CLYBL: variants seen among roughly 807,000 people sequenced by gnomAD.
CLYBL encodes the protein citramalyl-CoA lyase.
Under a neutral mutation model 38.9 loss-of-function variants are expected in CLYBL, and 31 were observed. The observed-to-expected ratio is 0.80, with a 90% CI of 0.60 to 1.08. The LOEUF (loss-of-function observed/expected upper bound fraction) is 1.08. CLYBL is among the 50% of genes least tolerant of loss of function. The pLI, the probability that CLYBL is intolerant of heterozygous loss-of-function variation, is 0.00. For synonymous variants in CLYBL, 171 were observed against 158.6 expected (o/e 1.08, Z -0.59); for missense variants, 434 against 411.6 (o/e 1.05, Z -0.47).
intron 1 of CLYBL, among the ~76,000 whole-genome samples, chr13:99,686,832 G>A (rs9300563): frequency 0.015 from 2,223 of 152,252 alleles, 55 homozygotes; most frequent in African/African-American, 0.05. Flanking sequence ...TGTCTCAGCC[G>A]GGGTCAGAAT....
At chr13:99,795,122 A>C (rs1431635530) in intron 2 of CLYBL, among the ~76,000 whole-genome samples, 1 of 152,122 alleles carries the variant, frequency 6.6e-6, no homozygotes, top group Non-Finnish European at 1.5e-5. Flanking sequence ...GCTCGTGAGG[A>C]GCAAATGTCA....
chr13:99,878,911 G>A (rs780004038), intron 7 of CLYBL, among the ~76,000 whole-genome samples: 8 of 152,106 alleles, frequency 5.3e-5, no homozygotes, highest in Non-Finnish European at 8.8e-5. Flanking sequence ...TTTAGACCCC[G>A]AGGAAAGTTT....
intron 7 of CLYBL, among the ~76,000 whole-genome samples, chr13:99,887,336 TAG>T (rs1389560648): frequency 6.6e-6 from 1 of 152,184 alleles, no homozygotes; most frequent in East Asian, 1.9e-4. Flanking sequence ...TGGCATTAGA[TAG>T]AGTCAGCTTT....
chr13:99,734,519 T>C (rs912466209), intron 1 of CLYBL, among the ~76,000 whole-genome samples: 1 of 152,164 alleles, frequency 6.6e-6, no homozygotes, highest in Non-Finnish European at 1.5e-5. Context: ...CCTCCCAAGT[T>C]AGGGAGCCCT....
At chr13:99,817,209 A>G (rs1230377279) in intron 2 of CLYBL, among the ~76,000 whole-genome samples, 1 of 152,002 alleles carries the variant, frequency 6.6e-6, no homozygotes, top group Non-Finnish European at 1.5e-5. Context: ...ATGTAGAACA[A>G]CTCTCCTGTT....
At chr13:99,772,678 C>T in intron 1 of CLYBL, 146 bp from the exon 2 acceptor site, 1 of 664,658 alleles carries the variant, frequency 1.5e-6, no homozygotes, top group Non-Finnish European at 2.4e-6. Context: ...AACTGGGCGA[C>T]AGAGCAAGAC....
intron 7 of CLYBL, among the ~76,000 whole-genome samples, chr13:99,890,071 C>A (rs1032752772): frequency 1.3e-5 from 2 of 152,190 alleles, no homozygotes; most frequent in African/African-American, 4.8e-5. Flanking sequence ...ACACAAATAA[C>A]CAGACATTAA....
chr13:99,777,649 C>T (rs1394124900), intron 2 of CLYBL, among the ~76,000 whole-genome samples: 5 of 151,914 alleles, frequency 3.3e-5, no homozygotes, highest in East Asian at 3.9e-4. Context: ...CATGCCACCA[C>T]GCCTGGCTAA....
intron 1 of CLYBL, among the ~76,000 whole-genome samples, chr13:99,671,548 G>A (rs1405448999): frequency 6.6e-6 from 1 of 152,120 alleles, no homozygotes; most frequent in Middle Eastern, 3.2e-3. Context: ...GGGAGGCCGA[G>A]GTGGGCAGAT....
At chr13:99,752,426 G>A (rs2048974318) in intron 1 of CLYBL, among the ~76,000 whole-genome samples, 1 of 152,208 alleles carries the variant, frequency 6.6e-6, no homozygotes, top group South Asian at 2.1e-4. Context: ...CACATGGGCT[G>A]TGGAGTTGCA....
chr13:99,608,208 A>G (rs2046562779), intron 1 of CLYBL, among the ~76,000 whole-genome samples: 1 of 150,032 alleles, frequency 6.7e-6, no homozygotes, highest in African/African-American at 2.5e-5. Context: ...AGTAGTTGGG[A>G]TTACAGGGCG....
chr13:99,763,186 C>G (rs544250695), intron 1 of CLYBL, among the ~76,000 whole-genome samples: 1 of 152,230 alleles, frequency 6.6e-6, no homozygotes, highest in Non-Finnish European at 1.5e-5. Flanking sequence ...TTGCTCTGGT[C>G]AGGATCTTCT....
exon 10 of CLYBL, among the ~76,000 whole-genome samples, chr13:99,909,195 G>A (rs1210681809): frequency 6.6e-6 from 1 of 152,198 alleles, no homozygotes; most frequent in Non-Finnish European, 1.5e-5. Context: ...CAGAGAGGCT[G>A]CACTGTGTCA....
At chr13:99,660,967 T>C (rs941449631) in intron 1 of CLYBL, among the ~76,000 whole-genome samples, 20 of 152,312 alleles carry the variant, frequency 1.3e-4, no homozygotes, top group African/African-American at 4.8e-4. Flanking sequence ...GCTACAAATT[T>C]CTTGCAATAT....
At chr13:99,610,507 T>C (rs375764888) in intron 1 of CLYBL, among the ~76,000 whole-genome samples, 1 of 152,242 alleles carries the variant, frequency 6.6e-6, no homozygotes, top group African/African-American at 2.4e-5. Context: ...TTCTTTGTCA[T>C]GTGCAACCAG....
intron 1 of CLYBL, among the ~76,000 whole-genome samples, chr13:99,696,443 T>C (rs2047980758): frequency 3.3e-5 from 5 of 151,892 alleles, no homozygotes. Flanking sequence ...TTGCCCAGGC[T>C]GGTCTCAAAC....
chr13:99,657,631 G>T (rs559871848), intron 1 of CLYBL, among the ~76,000 whole-genome samples: 10 of 5,176 alleles, frequency 1.9e-3, no homozygotes, highest in Non-Finnish European at 2.0e-3. Context: ...TAGAGGGGGA[G>T]ATGGGGAAAA....
At chr13:99,839,710 G>A (rs947255246) in intron 2 of CLYBL, among the ~76,000 whole-genome samples, 8 of 151,782 alleles carry the variant, frequency 5.3e-5, no homozygotes, top group Non-Finnish European at 1.0e-4. Flanking sequence ...TACATAGTAG[G>A]TATATATATA....
intron 1 of CLYBL, among the ~76,000 whole-genome samples, chr13:99,672,293 A>G (rs1290926019): frequency 6.6e-6 from 1 of 151,630 alleles, no homozygotes; most frequent in African/African-American, 2.4e-5. Flanking sequence ...TGCGACCACA[A>G]ACTCCTGGGC....
Sources: allele counts gnomAD v4.1 joint callset (sites outside exome capture counted in the v4.1 genomes callset), GRCh38; gene constraint gnomAD v4.1.1; transcripts MANE v1.5; gene names NCBI Gene and HGNC (gene_info 2026-07-23, HGNC 2026-07-21).